Variants in TMEM184C observed in about 807,000 individuals in gnomAD.
The protein encoded by TMEM184C is transmembrane protein 184C, also known as transmembrane protein 34.
TMEM184C carries 25 observed loss-of-function variants against 54.5 expected under a neutral mutation model. The ratio of observed to expected loss-of-function variants is 0.46; its 90% CI spans 0.33 to 0.64. The LOEUF is 0.64. TMEM184C is among the 30% of genes least tolerant of loss of function. The pLI is 0.02. For missense variants in TMEM184C, 335 were observed against 520.3 expected, an observed-to-expected ratio of 0.64 and a Z score of 3.46; for synonymous variants, 148 against 181.5, an observed-to-expected ratio of 0.82 and a Z score of 1.49.
At chr4:147,628,545 G>C in intron 5 of TMEM184C, 110 bp downstream of exon 5, 1 of 843,852 alleles carries the variant, frequency 1.2e-6, no homozygotes, top group South Asian at 1.7e-5. Flanking sequence ...TGCAGGTCTA[G>C]TCTGTTGTAA....
In TMEM184C at chr4:147,635,860, C is replaced by CCTAA. The variant is rs1733027064; in HGVS notation, c.*1429_*1432dup. ...TATACATAAATAATGAAAATAATGA[C>CCTAA]CTAACTGAAAAATTAAGATGCCATT... On this transcript the variant is annotated 3_prime_UTR_variant, in exon 10 of 10. Coordinates refer to ENST00000296582, the MANE Select transcript of TMEM184C (RefSeq NM_018241.3). 6.6e-6 allele frequency: 1 copy of CCTAA among 151,702 alleles called. No individual in the cohort carries two copies. Among genetic ancestry groups the CCTAA allele is most frequent in the South Asian group, 2.1e-4 (1 of 4,814 alleles). 9.4% of individuals were successfully genotyped at this position (151,702 alleles called of 1,614,324 possible).
chr4:147,624,135 C>T (rs1560952013), intron 3 of TMEM184C, 37 bp downstream of exon 3: 2 of 1,528,716 alleles, frequency 1.3e-6, no homozygotes, highest in East Asian at 4.5e-5. Flanking sequence ...TAACTAAGGA[C>T]TTGTTTGATG....
chr4:147,623,872 C>G lies in TMEM184C; in HGVS notation c.162C>G (p.Ile54Met). The change falls in exon 2 of 10, where the codon ATC becomes ATG. Residue 54 changes from isoleucine (I) to methionine (M), a missense_variant. Ile to Met is a conservative substitution (Grantham distance 10). Transcript: ENST00000296582. ...CCAAGGCTTGGTTTATTGCTGGAAT[C>G]TTTTTGCTGTTGACTATTCCTATAT... ...IHTKAWFIAGIFLLLTIPISL... is the reference protein window; with the variant it reads ...IHTKAWFIAGMFLLLTIPISL... 6.2e-7 allele frequency: 1 copy of G among 1,613,942 alleles called. No homozygotes were observed. The highest frequency in any genetic ancestry group is 1.1e-5 in the South Asian group (1 of 91,068).
intron 7 of TMEM184C, 135 bp from the exon 8 acceptor site, chr4:147,632,768 C>A: frequency 1.7e-6 from 1 of 579,602 alleles, no homozygotes; most frequent in Non-Finnish European, 3.0e-6. Context: ...AGAGTTTCTT[C>A]AGCAATATGC....
At chr4:147,620,512 A>C (rs1732689153) in intron 1 of TMEM184C, among the ~76,000 whole-genome samples, 1 of 152,276 alleles carries the variant, frequency 6.6e-6, no homozygotes. Flanking sequence ...AAAATAAAGC[A>C]GAAGTGAAGG....
chr4:147,629,375 G>GA (rs1298309186), intron 5 of TMEM184C, among the ~76,000 whole-genome samples: 1 of 151,506 alleles, frequency 6.6e-6, no homozygotes, highest in Non-Finnish European at 1.5e-5. Context: ...AATATTTCTA[G>GA]AAAAAAATGG....
In TMEM184C at chr4:147,628,446, G is replaced by A. The variant is rs113588481; in HGVS notation, c.572+11G>A. ...CACCATCGTTGCTTTGTAAGTACTC[G>A]GATTTTATATGAACTTTTTTTTTCA... On this transcript the variant is annotated intron_variant, in intron 5 of 9. Transcript: ENST00000296582. The A allele has an allele frequency of 1.6e-5, 25 of 1,610,992 alleles. No homozygotes were observed. The highest frequency in any genetic ancestry group is 2.7e-5 in the African/African-American group (2 of 74,790).
chr4:147,624,171 A>C, intron 3 of TMEM184C, 73 bp downstream of exon 3: 1 of 1,318,406 alleles, frequency 7.6e-7, no homozygotes, highest in Non-Finnish European at 1.1e-6. Context: ...AATGCTTAAG[A>C]TAATGAAAGT....
Position 147,636,709 on chromosome 4 carries a change from G to C in TMEM184C, c.*2275G>C, listed in dbSNP as rs1178992600. The C allele has an allele frequency of 6.6e-6, 1 of 152,078 alleles. No individual in the cohort carries two copies. The highest frequency in any genetic ancestry group is 1.5e-5 in the Non-Finnish European group (1 of 67,980). The allele number at this position is 152,078 out of a possible 1,614,324, so 9.4% of individuals were successfully genotyped here. A position where few individuals can be genotyped will look rare whatever the true frequency, so the allele number is the denominator to read the frequency against. On this transcript the variant is annotated 3_prime_UTR_variant, in exon 10 of 10. Coordinates refer to ENST00000296582, the MANE Select transcript of TMEM184C (RefSeq NM_018241.3). Reference sequence around the variant, plus strand: ...CCTACAGATTGAGTAAAAAATATTTGTAAGGCATATATATGGAAAAGGGTT... The same window carrying C: ...CCTACAGATTGAGTAAAAAATATTTCTAAGGCATATATATGGAAAAGGGTT...
At position 147,635,020 on chromosome 4, in the gene TMEM184C, C is replaced by G. The variant is rs1488522216; in HGVS notation, c.*586C>G. The G allele has an allele frequency of 6.6e-6, 1 of 152,300 alleles. No homozygotes were observed. The highest frequency in any genetic ancestry group is 1.5e-5 in the Non-Finnish European group (1 of 68,174). 9.4% of individuals were successfully genotyped at this position (152,300 alleles called of 1,614,324 possible). ...TACAGGCGTGAGCCACTGCGCCTGG[C>G]CAAGAATGGACATTTTTTAAAAAAA... On this transcript the variant is annotated 3_prime_UTR_variant, in exon 10 of 10. Transcript: ENST00000296582.
In TMEM184C at chr4:147,632,903, G is replaced by A; in HGVS notation, c.780G>A (p.Trp260Ter). 1 of 1,612,640 alleles carries A rather than the reference G, an allele frequency of 6.2e-7. No homozygotes were observed. Among genetic ancestry groups the A allele is most frequent in the Non-Finnish European group, 8.5e-7 (1 of 1,179,020 alleles). The change falls in exon 8 of 10, where the codon TGG (tryptophan) becomes TGA (stop). Residue 260 changes from tryptophan to a stop codon, truncating the protein, a stop_gained and splice_region_variant. Transcript: ENST00000296582. LOFTEE classifies it high-confidence loss of function. ...CVKLVVFVSF[W>*]QAVVIALLVK... ...GCGTTTACCTTTTCCTAACATATAG[G>A]CAAGCAGTAGTTATTGCTTTGTTGG... is the stretch of plus-strand genomic sequence containing the variant.
chr4:147,626,391 G>A (rs974226333), intron 4 of TMEM184C, among the ~76,000 whole-genome samples: 2 of 152,174 alleles, frequency 1.3e-5, no homozygotes, highest in African/African-American at 4.8e-5. Context: ...GTCGGTTTAA[G>A]TTATCTCTTT....
chr4:147,631,565 T>G, intron 7 of TMEM184C, 60 bp downstream of exon 7: 1 of 1,259,092 alleles, frequency 7.9e-7, no homozygotes, highest in Non-Finnish European at 1.1e-6. Context: ...AACCGTTGAT[T>G]AAGGAGGATT....
At chr4:147,618,230 CTT>C in intron 1 of TMEM184C, 151 bp downstream of exon 1, 1 of 1,184,556 alleles carries the variant, frequency 8.4e-7, no homozygotes, top group Non-Finnish European at 1.2e-6. Context: ...TGTCTAATTT[CTT>C]GTTCACGGTT....
In TMEM184C at chr4:147,634,725, G is replaced by T; in HGVS notation, c.*291G>T. ...TGTTACACTGCTTTATCAAGAGGAT[G>T]GACTTTTTTTTTTTTGAGACAGACA... On this transcript the variant is annotated 3_prime_UTR_variant, in exon 10 of 10. Coordinates refer to ENST00000296582, the MANE Select transcript of TMEM184C (RefSeq NM_018241.3). The T allele has an allele frequency of 1.3e-5, 2 of 153,500 alleles. No homozygotes were observed. The highest frequency in any genetic ancestry group is 5.6e-5 in the African/African-American group (1 of 17,834). The allele number at this position is 153,500 out of a possible 1,614,324, so 9.5% of individuals were successfully genotyped here. A position where few individuals can be genotyped will look rare whatever the true frequency, so the allele number is the denominator to read the frequency against.
At chr4:147,625,038 G>A in intron 4 of TMEM184C, 29 bp downstream of exon 4, 1 of 1,609,724 alleles carries the variant, frequency 6.2e-7, no homozygotes, top group Non-Finnish European at 8.5e-7. Context: ...ATTCTTTTAT[G>A]TTTTGGTTTT....
rs1485204625 is a variant in TMEM184C, at chr4:147,634,581, T to TGTAA, written c.*150_*153dup. On this transcript the variant is annotated 3_prime_UTR_variant, in exon 10 of 10. Transcript: ENST00000296582. Reference sequence around the variant, plus strand: ...CAGGTACAACTACTGCATTTATATATGTAAGTTTTGTATATCAAAAATAAT... The same window carrying TGTAA: ...CAGGTACAACTACTGCATTTATATATGTAAGTAAGTTTTGTATATCAAAAATAAT... 10 of 811,890 alleles carry TGTAA rather than the reference T, an allele frequency of 1.2e-5. No individual in the cohort carries two copies. The highest frequency in any genetic ancestry group is 5.2e-5 in the African/African-American group (3 of 57,666). The allele number at this position is 811,890 out of a possible 1,614,324, so 50.3% of individuals were successfully genotyped here.
At chr4:147,624,231 C>T (rs1732767952) in intron 3 of TMEM184C, 133 bp downstream of exon 3, 3 of 669,052 alleles carry the variant, frequency 4.5e-6, no homozygotes, top group Non-Finnish European at 7.2e-6. Flanking sequence ...TCACTTGTTT[C>T]TAATGATAGA....
intron 5 of TMEM184C, among the ~76,000 whole-genome samples, chr4:147,628,759 T>C (rs28536542): frequency 0.011 from 1,695 of 152,302 alleles, 39 homozygotes; most frequent in African/African-American, 0.038. Flanking sequence ...TATGCTACTT[T>C]AGGTTAATTA....
Sources: allele counts gnomAD v4.1 joint callset (sites outside exome capture counted in the v4.1 genomes callset), GRCh38; gene constraint gnomAD v4.1.1; transcripts MANE v1.5; gene names NCBI Gene and HGNC (gene_info 2026-07-23, HGNC 2026-07-21).